The following SNPH variants were observed in gnomAD, a reference collection of about 807,000 sequenced individuals.
SNPH encodes the protein syntaphilin.
A neutral mutation model predicts 36.8 loss-of-function variants in SNPH; 10 were observed. The ratio of observed to expected loss-of-function variants is 0.27; its 90% CI spans 0.17 to 0.46. SNPH has a LOEUF of 0.46. Ranked by LOEUF, SNPH falls within the 20% of genes least tolerant of loss-of-function variation. The pLI is 1.00. For missense variants in SNPH, 622 were observed against 744.0 expected, an observed-to-expected ratio of 0.84 and a Z score of 1.91; for synonymous variants, 281 against 312.2, an observed-to-expected ratio of 0.90 and a Z score of 1.05.
rs1031899547 is a variant in SNPH at position 1,294,761 on chromosome 20, C to T, written c.-492-190C>T. Reference sequence around the variant, plus strand: ...TGACCAGGCTCCGGGGAGGCCCTGACATGGGAAGGGGGTGGTCCCCGGGCC... The same window carrying T: ...TGACCAGGCTCCGGGGAGGCCCTGATATGGGAAGGGGGTGGTCCCCGGGCC... On this transcript the variant is annotated intron_variant, in intron 2 of 6. Transcript: ENST00000381867. This position sits in a 1 kb window ranked among gnomAD's most constrained non-coding sequence, Gnocchi z 4.4. Among the ~76,000 whole-genome samples, 1 of 152,184 alleles carries T rather than the reference C, an allele frequency of 6.6e-6. No homozygotes were observed. The highest frequency in any genetic ancestry group is 1.5e-5 in the Non-Finnish European group (1 of 68,028).
intron 6 of SNPH, among the ~76,000 whole-genome samples, chr20:1,303,250 C>A (rs1207448729): frequency 3.3e-5 from 5 of 152,234 alleles, no homozygotes; most frequent in Admixed American, 6.5e-5. Flanking sequence ...CTTGAGATGC[C>A]CTGCCTTCTA....
intron 5 of SNPH, among the ~76,000 whole-genome samples, chr20:1,299,505 C>T (rs894965613): frequency 2.6e-5 from 4 of 151,728 alleles, no homozygotes; most frequent in African/African-American, 9.7e-5. Flanking sequence ...GGGCATTCTC[C>T]TTCCCCGTGA....
chr20:1,298,804 T>TG (rs2088470176), intron 5 of SNPH, among the ~76,000 whole-genome samples: 2 of 141,154 alleles, frequency 1.4e-5, no homozygotes, highest in Non-Finnish European at 3.0e-5. Flanking sequence ...TTTTTCTAAT[T>TG]TGTGTGTGTG....
intron 2 of SNPH, among the ~76,000 whole-genome samples, chr20:1,269,341 T>C (rs2122224085): frequency 6.6e-6 from 1 of 152,368 alleles, no homozygotes; most frequent in South Asian, 2.1e-4. Context: ...ACGTCATTTA[T>C]GAAGTCCCAG....
In SNPH at chr20:1,266,575, C is replaced by T; in HGVS notation, c.-599-79C>T. On this transcript the variant is annotated intron_variant, in intron 1 of 6. Transcript: ENST00000381867. The surrounding 1 kb of genome is among the most constrained non-coding windows in gnomAD (Gnocchi z 6.0). Reference sequence around the variant, plus strand: ...CTGGCTGCAGCGGCCCAGCTGTCAGCGGCCGGGGGCTCAGCTGCCTGGGTG... The same window carrying T: ...CTGGCTGCAGCGGCCCAGCTGTCAGTGGCCGGGGGCTCAGCTGCCTGGGTG... The T allele has an allele frequency of 2.1e-6, 3 of 1,400,668 alleles. No individual in the cohort carries two copies. The highest frequency in any genetic ancestry group is 3.8e-5 in the Admixed American group (1 of 26,188). 86.8% of individuals were successfully genotyped at this position (1,400,668 alleles called of 1,614,324 possible).
Position 1,296,304 on chromosome 20 carries a change from C to T in SNPH, c.65C>T (p.Pro22Leu). ...WPGPALSAGP[P>L]TRPLSSAPGI... Reference sequence around the variant, plus strand: ...GGCCCGGCCCTTTCTGCGGGCCCCCCAACCCGCCCTCTCTCCTCAGCCCCC... The same window carrying T: ...GGCCCGGCCCTTTCTGCGGGCCCCCTAACCCGCCCTCTCTCCTCAGCCCCC... The change falls in exon 4 of 7, where the codon CCA becomes CTA. Residue 22 changes from proline to leucine, a missense_variant. Transcript: ENST00000381867. The T allele has an allele frequency of 6.3e-7, 1 of 1,583,554 alleles. No individual in the cohort carries two copies. Among genetic ancestry groups the T allele is most frequent in the South Asian group, 1.1e-5 (1 of 87,192 alleles).
Position 1,304,057 on chromosome 20 carries a change from G to A in SNPH, c.441-821G>A, listed in dbSNP as rs902616779. ...ACCCCTGGATTCATCTGTGACTCGG[G>A]AATTTGAAAAGCCTGAGCATTTCTG... On this transcript the variant is annotated intron_variant, in intron 6 of 6. Coordinates refer to ENST00000381867, the MANE Select transcript of SNPH (RefSeq NM_001318234.2). This position sits in a 1 kb window ranked among gnomAD's most constrained non-coding sequence, Gnocchi z 4.3. Among the ~76,000 whole-genome samples, 1 of 152,062 alleles carries A rather than the reference G, an allele frequency of 6.6e-6. No individual in the cohort carries two copies. Among genetic ancestry groups the A allele is most frequent in the African/African-American group, 2.4e-5 (1 of 41,382 alleles).
At chr20:1,296,710 A>C (rs2088440431) in intron 4 of SNPH, among the ~76,000 whole-genome samples, 1 of 152,152 alleles carries the variant, frequency 6.6e-6, no homozygotes, top group African/African-American at 2.4e-5. Context: ...TCGTGCAGTC[A>C]TCCACTCAGA....
intron 6 of SNPH, among the ~76,000 whole-genome samples, chr20:1,302,853 G>A (rs2088520456): frequency 6.6e-6 from 1 of 152,244 alleles, no homozygotes; most frequent in African/African-American, 2.4e-5. Context: ...TCGGCAGAGG[G>A]AGGATTTCTA....
rs6033384 is a variant in SNPH at position 1,306,489 on chromosome 20, C to G, written c.*435C>G. 6.3e-6 allele frequency: 1 copy of G among 157,648 alleles called. No homozygotes were observed. Among genetic ancestry groups the G allele is most frequent in the Non-Finnish European group, 1.4e-5 (1 of 72,024 alleles). The allele number at this position is 157,648 out of a possible 1,614,324, so 9.8% of individuals were successfully genotyped here. ...CTCCATGCCGTCTCTTCCAAGCCAC[C>G]TTGCCCGCAGCCCAGGCTCCTGGGC... is the stretch of plus-strand genomic sequence containing the variant. On this transcript the variant is annotated 3_prime_UTR_variant, in exon 7 of 7. Transcript: ENST00000381867.
At chr20:1,279,248 C>T (rs193212932) in intron 2 of SNPH, among the ~76,000 whole-genome samples, 150 of 152,314 alleles carry the variant, frequency 9.8e-4, no homozygotes, top group African/African-American at 3.3e-3. Context: ...TCTTTTAAAT[C>T]TTAGCCACTC....
In SNPH at chr20:1,304,772, A is replaced by G; in HGVS notation, c.441-106A>G. On this transcript the variant is annotated intron_variant, in intron 6 of 6. Coordinates refer to ENST00000381867, the MANE Select transcript of SNPH (RefSeq NM_001318234.2). This position sits in a 1 kb window ranked among gnomAD's most constrained non-coding sequence, Gnocchi z 4.3. ...GTTTTGGGTTCTGAGCCACAGCAGCACAGGGCCCTTCATCCTTGGCAACAG... is the reference window on the plus strand; with the variant it reads ...GTTTTGGGTTCTGAGCCACAGCAGCGCAGGGCCCTTCATCCTTGGCAACAG... The G allele has an allele frequency of 9.5e-7, 1 of 1,054,322 alleles. No homozygotes were observed. The highest frequency in any genetic ancestry group is 1.5e-5 in the South Asian group (1 of 68,158). 65.3% of individuals were successfully genotyped at this position (1,054,322 alleles called of 1,614,324 possible).
intron 2 of SNPH, among the ~76,000 whole-genome samples, chr20:1,293,436 C>T (rs567815720): frequency 8.5e-5 from 13 of 152,278 alleles, no homozygotes; most frequent in African/African-American, 2.6e-4. Context: ...CCTTCCTTTC[C>T]AAGTGGCAGC....
At position 1,305,249 on chromosome 20, in the gene SNPH, G is replaced by A. The variant is rs191018281; in HGVS notation, c.812G>A (p.Arg271His). Reference protein sequence around the residue: ...KLSDPAVCGDRQPGDPSSGSA... With the variant: ...KLSDPAVCGDHQPGDPSSGSA... ...AGTGACCCGGCTGTCTGTGGTGACC[G>A]CCAGCCGGGTGATCCCTCCAGCGGC... The change falls in exon 7 of 7, where the codon CGC becomes CAC. Residue 271 changes from arginine to histidine, a missense_variant. This residue lies in a region of SNPH where 379 missense variants were observed against 427.9 expected (regional missense o/e 0.89). Coordinates refer to ENST00000381867, the MANE Select transcript of SNPH (RefSeq NM_001318234.2). 126 of 1,610,726 alleles carry A rather than the reference G, an allele frequency of 7.8e-5. 1 individual carries two copies. The East Asian group carries it at 2.4e-3, about 30-fold the overall frequency.
At position 1,305,460 on chromosome 20, in the gene SNPH, G is replaced by A. The variant is rs1477383821; in HGVS notation, c.1023G>A (p.Leu341=). Residue 341 remains leucine (L), a synonymous_variant, in exon 7 of 7, where the codon CTG becomes CTA. Transcript: ENST00000381867. The part of the protein sequence containing the change: ...FPASNTYEKL[L]CGMEAGVQAS... Reference sequence around the variant, plus strand: ...CCAGCAACACCTATGAGAAGCTGCTGTGTGGCATGGAGGCTGGTGTGCAGG... The same window carrying A: ...CCAGCAACACCTATGAGAAGCTGCTATGTGGCATGGAGGCTGGTGTGCAGG... 1 of 1,613,302 alleles carries A rather than the reference G, an allele frequency of 6.2e-7. No homozygotes were observed. Among genetic ancestry groups the A allele is most frequent in the Non-Finnish European group, 8.5e-7 (1 of 1,180,052 alleles).
At chr20:1,268,782 G>A (rs898857214) in intron 2 of SNPH, among the ~76,000 whole-genome samples, 1 of 152,218 alleles carries the variant, frequency 6.6e-6, no homozygotes, top group Non-Finnish European at 1.5e-5. Context: ...GAAACTGTAG[G>A]AATGTGTTGA....
In SNPH at chr20:1,304,849, G is replaced by C. The variant is rs202106741; in HGVS notation, c.441-29G>C. On this transcript the variant is annotated intron_variant, in intron 6 of 6. Coordinates refer to ENST00000381867, the MANE Select transcript of SNPH (RefSeq NM_001318234.2). The surrounding 1 kb of genome is among the most constrained non-coding windows in gnomAD (Gnocchi z 4.3). ...GTGACAGACCAGGCAGGCAGGCAGTGAGCGTGTGTGTGTCTCCTCGGCTCG... is the reference window on the plus strand; with the variant it reads ...GTGACAGACCAGGCAGGCAGGCAGTCAGCGTGTGTGTGTCTCCTCGGCTCG... 3.3e-5 allele frequency: 52 copies of C among 1,599,160 alleles called. No homozygotes were observed. Among genetic ancestry groups the C allele is most frequent in the Middle Eastern group, 1.7e-4 (1 of 6,006 alleles).
At position 1,300,687 on chromosome 20, in the gene SNPH, A is replaced by T. The variant is rs775827826; in HGVS notation, c.416A>T (p.Asp139Val). 1 of 1,612,196 alleles carries T rather than the reference A, an allele frequency of 6.2e-7. No homozygotes were observed. The highest frequency in any genetic ancestry group is 8.5e-7 in the Non-Finnish European group (1 of 1,179,940). The stretch of plus-strand genomic sequence containing the variant: ...CGGCACCTGAAAGCCCGGCTGAAGG[A>T]CACACAGGACCGGCTCCAGGACCGG... ...CIRHLKARLK[D>V]TQDRLQDRDT... The change falls in exon 6 of 7, where the codon GAC (aspartate) becomes GTC (valine). Residue 139 changes from aspartate to valine, a missense_variant. Transcript: ENST00000381867.
At chr20:1,293,628 G>A (rs2088391003) in intron 2 of SNPH, among the ~76,000 whole-genome samples, 1 of 152,144 alleles carries the variant, frequency 6.6e-6, no homozygotes, top group African/African-American at 2.4e-5. Flanking sequence ...GGGCCTGGGT[G>A]GCTTCTGCCC....
Sources: gnomAD v4.1 joint callset for allele counts (sites outside exome capture counted in the v4.1 genomes callset) on GRCh38, gnomAD v4.1.1 for gene constraint, gnomAD v4.1.1 regional missense constraint, Gnocchi (gnomAD v3.1) non-coding constraint, MANE v1.5 for transcripts, NCBI Gene and HGNC (gene_info 2026-07-23, HGNC 2026-07-21) for gene names.